The following CCDC61 variants were observed in gnomAD, a reference collection of about 807,000 sequenced individuals.
CCDC61 encodes the protein centrosomal protein CCDC61.
In CCDC61, 55 loss-of-function variants were observed where a neutral mutation model predicts 63.0. The ratio of observed to expected loss-of-function variants is 0.87; its 90% confidence interval spans 0.70 to 1.09. The LOEUF is 1.09. Ranked by LOEUF, CCDC61 falls within the 50% of genes least tolerant of loss-of-function variation. The pLI is 0.00. For synonymous variants in CCDC61, 270 were observed against 317.0 expected (o/e 0.85, Z 1.58); for missense variants, 651 against 731.4 (o/e 0.89, Z 1.27).
chr19:46,009,335 C>G (rs989749797), intron 5 of CCDC61, among the ~76,000 whole-genome samples: 8 of 152,050 alleles, frequency 5.3e-5, no homozygotes, highest in African/African-American at 1.9e-4. Flanking sequence ...CGGGAAGAGG[C>G]CTGGCTCGTT....
chr19:46,004,835 CTTTTTTT>C (rs748867869), intron 3 of CCDC61, among the ~76,000 whole-genome samples: 18 of 95,244 alleles, frequency 1.9e-4, no homozygotes, highest in Admixed American at 5.7e-4. Context: ...ATTTAGATAT[CTTTTTTT>C]TTTTTTTTTT....
At chr19:46,012,033 C>T (rs970861720) in intron 5 of CCDC61, among the ~76,000 whole-genome samples, 1 of 152,154 alleles carries the variant, frequency 6.6e-6, no homozygotes, top group African/African-American at 2.4e-5. Context: ...GAACTCTCGA[C>T]CTGTCTCAAG....
rs761140439 is a variant in CCDC61 at position 46,017,233 on chromosome 19, C to T, written c.1311-14C>T. 1.9e-6 allele frequency: 3 copies of T among 1,559,380 alleles called. No homozygotes were observed. Among genetic ancestry groups the T allele is most frequent in the East Asian group, 2.4e-5 (1 of 41,660 alleles). Reference sequence around the variant, plus strand: ...CCTCCCCACCACTGGTCCTTGGTTACTCCTTTTTCTCAGGGGTCACCGCCG... The same window carrying T: ...CCTCCCCACCACTGGTCCTTGGTTATTCCTTTTTCTCAGGGGTCACCGCCG... On this transcript the variant is annotated splice_polypyrimidine_tract_variant and intron_variant, in intron 11 of 13. Transcript: ENST00000595358.
At chr19:46,014,243 G>A (rs540923898) in intron 5 of CCDC61, among the ~76,000 whole-genome samples, 62 of 152,228 alleles carry the variant, frequency 4.1e-4, no homozygotes, top group African/African-American at 1.5e-3. Context: ...TGTCCAGCCA[G>A]AGAAGTCCAA....
chr19:46,001,126 A>AC (rs1358707938), intron 1 of CCDC61, among the ~76,000 whole-genome samples: 1 of 150,534 alleles, frequency 6.6e-6, no homozygotes, highest in South Asian at 2.1e-4. Context: ...GGTTTAGAAC[A>AC]CCCAGTGGGG....
chr19:46,013,449 A>C (rs998408193), intron 5 of CCDC61, among the ~76,000 whole-genome samples: 11 of 152,076 alleles, frequency 7.2e-5, no homozygotes, highest in Non-Finnish European at 1.3e-4. Flanking sequence ...GAGCCACCAC[A>C]CTTGACCTAC....
At chr19:46,006,119 C>T (rs984754691) in intron 3 of CCDC61, among the ~76,000 whole-genome samples, 4 of 152,218 alleles carry the variant, frequency 2.6e-5, no homozygotes, top group Non-Finnish European at 5.9e-5. Context: ...CAATAACCTC[C>T]AGTACCATTC....
intron 5 of CCDC61, among the ~76,000 whole-genome samples, chr19:46,008,803 C>T (rs1315366537): frequency 6.6e-6 from 1 of 152,054 alleles, no homozygotes; most frequent in Non-Finnish European, 1.5e-5. Flanking sequence ...GACTCTGAGT[C>T]CAGGGAGGGA....
At chr19:45,999,325 AG>A (rs922524667) in intron 1 of CCDC61, among the ~76,000 whole-genome samples, 6 of 113,958 alleles carry the variant, frequency 5.3e-5, no homozygotes, top group Admixed American at 1.1e-4. Flanking sequence ...GGGGCAGTGA[AG>A]GGGGGGTTCT....
rs1379220210 is a variant in CCDC61, at chr19:46,006,630, G to C, written c.303G>C (p.Gly101=). The change falls in exon 4 of 14, where the codon GGG becomes GGC. Residue 101 remains glycine, a synonymous_variant. Transcript: ENST00000595358. The part of the protein sequence containing the change: ...DLESLRNRKM[G]GRPGSLAPRS... ...AGTCCCTGCGGAACCGCAAGATGGG[G>C]GGCCGCCCAGGCTCCTTGGCCCCCA... 1 of 1,613,708 alleles carries C rather than the reference G, an allele frequency of 6.2e-7. No individual in the cohort carries two copies. Among genetic ancestry groups the C allele is most frequent in the Non-Finnish European group, 8.5e-7 (1 of 1,179,810 alleles).
At chr19:46,014,842 A>G (rs1437636028) in intron 5 of CCDC61, among the ~76,000 whole-genome samples, 3 of 151,922 alleles carry the variant, frequency 2.0e-5, no homozygotes, top group Non-Finnish European at 4.4e-5. Context: ...CCTCTTCGTG[A>G]GGTGCATGGG....
intron 1 of CCDC61, 73 bp downstream of exon 1, chr19:45,995,577 C>T (rs55951953): frequency 0.47 from 200,309 of 429,016 alleles, 47,909 homozygotes; most frequent in Non-Finnish European, 0.5. Context: ...GGGCTTCTCT[C>T]GGGGGAGAGT....
chr19:45,995,525 C>G, intron 1 of CCDC61, 21 bp downstream of exon 1: 1 of 509,382 alleles, frequency 2.0e-6, no homozygotes, highest in Non-Finnish European at 4.0e-6. Context: ...GCGGGAGTGG[C>G]GGTTGCGCGG....
chr19:46,008,655 C>T (rs1005223741), intron 5 of CCDC61, among the ~76,000 whole-genome samples: 6 of 152,144 alleles, frequency 3.9e-5, no homozygotes, highest in Admixed American at 3.9e-4. Flanking sequence ...GTGATCTGCC[C>T]GCGTTGGCCT....
intron 1 of CCDC61, among the ~76,000 whole-genome samples, chr19:45,996,617 C>T (rs1231369412): frequency 2.0e-5 from 3 of 152,124 alleles, no homozygotes; most frequent in Non-Finnish European, 4.4e-5. Flanking sequence ...CCAGGTTGGT[C>T]TTGAACTCGT....
At position 46,016,463 on chromosome 19, in the gene CCDC61, C is replaced by A; in HGVS notation, c.1091+70C>A. 6.4e-7 allele frequency: 1 copy of A among 1,555,870 alleles called. No individual in the cohort carries two copies. The highest frequency in any genetic ancestry group is 8.8e-7 in the Non-Finnish European group (1 of 1,133,832). Reference sequence around the variant, plus strand: ...GCCCGCTCCCGGGCTCTCATCTCTCCACGCCACCATCAGTCTCCATCCCCT... The same window carrying A: ...GCCCGCTCCCGGGCTCTCATCTCTCAACGCCACCATCAGTCTCCATCCCCT... On this transcript the variant is annotated intron_variant, in intron 9 of 13. Coordinates refer to ENST00000595358, the MANE Select transcript of CCDC61 (RefSeq NM_001267723.2). The surrounding 1 kb of genome is among the most constrained non-coding windows in gnomAD (Gnocchi z 7.2).
Position 46,006,288 on chromosome 19 carries a change from C to T in CCDC61, c.232-271C>T, listed in dbSNP as rs565135013. ...TCAGTGGAGATCCCTGAAAGGGTCT[C>T]GTGGACCCCCCAGGGATCTGGAGAC... On this transcript the variant is annotated intron_variant, in intron 3 of 13. Coordinates refer to ENST00000595358, the MANE Select transcript of CCDC61 (RefSeq NM_001267723.2). Among the ~76,000 whole-genome samples the T allele has an allele frequency of 7.2e-5, 11 of 152,310 alleles. 1 individual carries two copies. Among genetic ancestry groups the T allele is most frequent in the South Asian group, 4.1e-4 (2 of 4,826 alleles).
At chr19:46,000,767 G>A (rs193106790) in intron 1 of CCDC61, among the ~76,000 whole-genome samples, 6 of 152,036 alleles carry the variant, frequency 3.9e-5, no homozygotes, top group Admixed American at 3.9e-4. Context: ...GTGTGCAAGG[G>A]GAATTGAGTT....
Position 46,018,469 on chromosome 19 carries a change from C to A in CCDC61, c.*82C>A. The A allele has an allele frequency of 8.7e-7, 1 of 1,153,148 alleles. No individual in the cohort carries two copies. Among genetic ancestry groups the A allele is most frequent in the Non-Finnish European group, 1.3e-6 (1 of 797,912 alleles). 71.4% of individuals were successfully genotyped at this position (1,153,148 alleles called of 1,614,324 possible). On this transcript the variant is annotated 3_prime_UTR_variant, in exon 14 of 14. Transcript: ENST00000595358. This position sits in a 1 kb window ranked among gnomAD's most constrained non-coding sequence, Gnocchi z 4.2. ...GGGGTGGGGCCAGGGTGGCCTCCAG[C>A]CCTGCCCAGTCCCTGCCCTGGCCCC...
Sources: gnomAD v4.1 joint callset for allele counts (sites outside exome capture counted in the v4.1 genomes callset) on GRCh38, gnomAD v4.1.1 for gene constraint, Gnocchi (gnomAD v3.1) non-coding constraint, MANE v1.5 for transcripts, NCBI Gene and HGNC (gene_info 2026-07-23, HGNC 2026-07-21) for gene names.